The following LRP1B variants were observed in gnomAD, a reference collection of about 807,000 sequenced individuals.
LRP1B encodes LDL receptor related protein 1B.
Under a neutral mutation model 556.6 loss-of-function variants are expected in LRP1B, and 217 were observed. The ratio of observed to expected loss-of-function variants is 0.39; its 90% confidence interval spans 0.35 to 0.44. LRP1B has a LOEUF of 0.44. LRP1B is among the 20% of genes least tolerant of loss of function. LRP1B has a pLI of 1.00. For missense variants in LRP1B, 5,053 were observed against 5,620.8 expected (o/e 0.90, Z 3.23); for synonymous variants, 2,047 against 1,865.8 (o/e 1.10, Z -2.50).
At chr2:141,511,339 T>C (rs898635780) in intron 2 of LRP1B, among the ~76,000 whole-genome samples, 1 of 152,168 alleles carries the variant, frequency 6.6e-6, no homozygotes, top group Non-Finnish European at 1.5e-5. Context: ...CCATAATCCA[T>C]CTTCCTCACA....
intron 2 of LRP1B, among the ~76,000 whole-genome samples, chr2:141,587,601 G>A (rs183869976): frequency 4.9e-4 from 75 of 152,170 alleles, no homozygotes; most frequent in African/African-American, 1.8e-3. Flanking sequence ...CCCCTTTTGA[G>A]ACAACACACA....
chr2:141,513,602 C>A (rs1378485511), intron 2 of LRP1B, among the ~76,000 whole-genome samples: 1 of 152,012 alleles, frequency 6.6e-6, no homozygotes, highest in Non-Finnish European at 1.5e-5. Context: ...ATTTTTATGA[C>A]AGATAACTAG....
intron 66 of LRP1B, among the ~76,000 whole-genome samples, chr2:140,439,670 C>A (rs1686339138): frequency 3.3e-5 from 5 of 151,838 alleles, no homozygotes; most frequent in African/African-American, 1.2e-4. Flanking sequence ...AAATTTATAT[C>A]CAAAGTCTCA....
intron 1 of LRP1B, among the ~76,000 whole-genome samples, chr2:142,004,656 G>A (rs965397153): frequency 6.6e-6 from 1 of 152,006 alleles, no homozygotes; most frequent in African/African-American, 2.4e-5. Flanking sequence ...GACCAGCCTG[G>A]CCAACATGCC....
At position 141,298,375 on chromosome 2, in the gene LRP1B, CTT is replaced by C. The variant is rs144629100; in HGVS notation, c.344-43736_344-43735del. ...CTAATCATGTAATTTAAGGTGGAAA[CTT>C]TGGATCTTGTGGTATCAGTGGACCT... On this transcript the variant is annotated intron_variant, in intron 3 of 90. Coordinates refer to ENST00000389484, the MANE Select transcript of LRP1B (RefSeq NM_018557.3). Among the ~76,000 whole-genome samples the C allele has an allele frequency of 5.0e-3, 760 of 152,202 alleles. 9 individuals are homozygous for C. The highest frequency in any genetic ancestry group is 0.016 in the African/African-American group (665 of 41,542).
chr2:141,749,539 A>G (rs1694031468), intron 2 of LRP1B, among the ~76,000 whole-genome samples: 1 of 152,152 alleles, frequency 6.6e-6, no homozygotes, highest in South Asian at 2.1e-4. Flanking sequence ...CTAAACTTGA[A>G]TGATACCATT....
At chr2:142,115,841 A>AAT (rs1322659585) in intron 1 of LRP1B, among the ~76,000 whole-genome samples, 422 of 5,534 alleles carry the variant, frequency 0.076, 199 homozygotes, top group Middle Eastern at 0.25. Flanking sequence ...ATATATATGT[A>AAT]ATATATATAT....
intron 2 of LRP1B, among the ~76,000 whole-genome samples, chr2:141,706,298 A>G (rs981558809): frequency 6.6e-6 from 1 of 152,122 alleles, no homozygotes; most frequent in African/African-American, 2.4e-5. Context: ...CTTCTCCGCC[A>G]TGTAAATTGC....
chr2:140,626,298 T>C (rs934099254), intron 41 of LRP1B, among the ~76,000 whole-genome samples: 14 of 152,126 alleles, frequency 9.2e-5, no homozygotes, highest in Admixed American at 3.9e-4. Context: ...GGTAGATAAA[T>C]GTCATTATAT....
chr2:141,699,126 C>T (rs1168479923), intron 2 of LRP1B, among the ~76,000 whole-genome samples: 1 of 151,780 alleles, frequency 6.6e-6, no homozygotes, highest in Non-Finnish European at 1.5e-5. Context: ...TATTCATAAG[C>T]ACGAAGAGAG....
chr2:140,625,364 A>G (rs908952675), intron 41 of LRP1B, among the ~76,000 whole-genome samples: 3 of 152,190 alleles, frequency 2.0e-5, no homozygotes, highest in Non-Finnish European at 2.9e-5. Context: ...TGATCCAGGA[A>G]AGATGTAATT....
intron 5 of LRP1B, among the ~76,000 whole-genome samples, chr2:141,245,807 C>T (rs300359): frequency 1 from 151,680 of 152,328 alleles, 75,525 homozygotes; most frequent in Middle Eastern, 1. Context: ...ACATGAAATG[C>T]AAGCACTTAA....
At chr2:141,528,832 T>C (rs1270291438) in intron 2 of LRP1B, among the ~76,000 whole-genome samples, 4 of 152,142 alleles carry the variant, frequency 2.6e-5, no homozygotes, top group Admixed American at 6.6e-5. Context: ...GTTTATAGGG[T>C]AAGAGAATAT....
At chr2:141,847,217 A>G (rs1299846474) in intron 1 of LRP1B, among the ~76,000 whole-genome samples, 1 of 151,560 alleles carries the variant, frequency 6.6e-6, no homozygotes, top group Admixed American at 6.6e-5. Context: ...GATTCCATTT[A>G]CTATAACAAC....
chr2:141,399,448 T>C (rs2104921678), intron 3 of LRP1B, among the ~76,000 whole-genome samples: 1 of 151,604 alleles, frequency 6.6e-6, no homozygotes, highest in South Asian at 2.1e-4. Context: ...CACTGTTTCC[T>C]CCCTTTCTGC....
chr2:140,746,638 C>T (rs769142128), intron 35 of LRP1B, among the ~76,000 whole-genome samples: 5 of 152,108 alleles, frequency 3.3e-5, no homozygotes, highest in Non-Finnish European at 7.4e-5. Flanking sequence ...TTTGCAAATG[C>T]ACGCAGGAGA....
chr2:141,229,388 C>A lies in LRP1B; in HGVS notation c.645G>T (p.Glu215Asp), dbSNP rs199805292. The A allele has an allele frequency of 1.0e-4, 164 of 1,607,518 alleles. 1 individual carries two copies. Among genetic ancestry groups the A allele is most frequent in the Non-Finnish European group, 1.4e-5 (16 of 1,174,984 alleles). ...ILLIANFETI[E>D]VFYLNGSKMA... ...TTTTACTTCCATTAAGATAGAAAACCTCAATTGTTTCAAAATTTGCAATTA... is the reference window on the plus strand; with the variant it reads ...TTTTACTTCCATTAAGATAGAAAACATCAATTGTTTCAAAATTTGCAATTA... The change falls in exon 6 of 91, where the codon GAG becomes GAT. Residue 215 changes from glutamate (E) to aspartate (D), a missense_variant. Coordinates refer to ENST00000389484, the MANE Select transcript of LRP1B (RefSeq NM_018557.3).
chr2:141,863,171 T>C (rs542864355), intron 1 of LRP1B, among the ~76,000 whole-genome samples: 1 of 152,186 alleles, frequency 6.6e-6, no homozygotes, highest in Admixed American at 6.5e-5. Context: ...TAAACTTCTA[T>C]AGCACCAAAC....
intron 7 of LRP1B, among the ~76,000 whole-genome samples, chr2:141,095,071 C>A (rs550621966): frequency 2.6e-5 from 4 of 152,206 alleles, no homozygotes; most frequent in African/African-American, 9.6e-5. Flanking sequence ...AATTTAGCCC[C>A]CTTTTACAAT....
Sources: allele counts gnomAD v4.1 joint callset (sites outside exome capture counted in the v4.1 genomes callset), GRCh38; gene constraint gnomAD v4.1.1; transcripts MANE v1.5; gene names NCBI Gene and HGNC (gene_info 2026-07-23, HGNC 2026-07-21).